The following PHKA1 variants were observed in gnomAD, a reference collection of about 807,000 sequenced individuals.
PHKA1 encodes the protein phosphorylase kinase regulatory subunit alpha 1.
A neutral mutation model predicts 110.2 loss-of-function variants in PHKA1; 60 were observed. The ratio of observed to expected loss-of-function variants is 0.54; its 90% CI spans 0.44 to 0.68. The LOEUF is 0.68. Ranked by LOEUF, PHKA1 falls within the 30% of genes least tolerant of loss-of-function variation. PHKA1 has a pLI of 0.00. For missense variants in PHKA1, 801 were observed against 942.5 expected, an observed-to-expected ratio of 0.85 and a Z score of 1.97; for synonymous variants, 316 against 333.6, an observed-to-expected ratio of 0.95 and a Z score of 0.58.
At chrX:72,610,885 A>G (rs1214166915) in intron 22 of PHKA1, 143 bp downstream of exon 22, 2 of 467,216 alleles carry the variant, frequency 4.3e-6, no homozygotes, top group Non-Finnish European at 7.5e-6. Context: ...TTCACAAACT[A>G]AAAGAACTGA....
intron 5 of PHKA1, among the ~76,000 whole-genome samples, chrX:72,679,550 T>C (rs2053818667): frequency 9.0e-6 from 1 of 111,021 alleles, no homozygotes; most frequent in Non-Finnish European, 1.9e-5. Context: ...GCATGTATTA[T>C]AACTATATTC....
intron 29 of PHKA1, among the ~76,000 whole-genome samples, chrX:72,590,240 G>A (rs1169416010): frequency 9.0e-6 from 1 of 111,217 alleles, no homozygotes; most frequent in African/African-American, 3.3e-5. Flanking sequence ...TAGACCAATG[G>A]GACAGAAGAG....
intron 28 of PHKA1, among the ~76,000 whole-genome samples, chrX:72,594,542 T>A (rs2052564670): frequency 8.9e-6 from 1 of 112,550 alleles, no homozygotes; most frequent in African/African-American, 3.2e-5. Context: ...GACAAATTCC[T>A]AGAAAGACAC....
intron 17 of PHKA1, among the ~76,000 whole-genome samples, chrX:72,624,039 A>C (rs2053018163): frequency 8.9e-6 from 1 of 111,772 alleles, no homozygotes; most frequent in South Asian, 3.8e-4. Flanking sequence ...AATTCACGCA[A>C]GGATCAACGG....
chrX:72,609,202 T>C (rs2052771712), intron 23 of PHKA1, among the ~76,000 whole-genome samples: 1 of 111,878 alleles, frequency 8.9e-6, no homozygotes, highest in African/African-American at 3.3e-5. Context: ...GGAGGGGTGC[T>C]ACCTCACATT....
chrX:72,671,177 C>T (rs62613007), intron 6 of PHKA1, among the ~76,000 whole-genome samples: 3 of 111,187 alleles, frequency 2.7e-5, no homozygotes, highest in South Asian at 3.8e-4. Flanking sequence ...GATTGTATAT[C>T]TAGAAAACCC....
chrX:72,685,940 C>T (rs1444556295), intron 4 of PHKA1, among the ~76,000 whole-genome samples: 5 of 111,546 alleles, frequency 4.5e-5, no homozygotes, highest in African/African-American at 1.6e-4. Flanking sequence ...CATGTGCCAG[C>T]TATGTAGTTG....
At chrX:72,675,954 G>A (rs1351267728) in intron 6 of PHKA1, 116 bp downstream of exon 6, 60 of 568,667 alleles carry the variant, frequency 1.1e-4, no homozygotes, top group Middle Eastern at 4.2e-4. Flanking sequence ...GTTGCCTGTG[G>A]TTTAAAATAA....
intron 13 of PHKA1, 40 bp from the exon 14 acceptor site, chrX:72,644,536 A>G (rs782745349): frequency 8.9e-7 from 1 of 1,125,011 alleles, no homozygotes; most frequent in Admixed American, 2.2e-5. Context: ...AGAAAATTTT[A>G]TTTCAATAGC....
intron 21 of PHKA1, among the ~76,000 whole-genome samples, chrX:72,613,378 TACAC>T (rs60746566): frequency 4.7e-4 from 46 of 97,790 alleles, no homozygotes; most frequent in African/African-American, 1.0e-3. Flanking sequence ...CATGGGAGGA[TACAC>T]ACACACACAC....
chrX:72,694,057 C>T (rs1466256167), intron 4 of PHKA1, among the ~76,000 whole-genome samples: 1 of 111,950 alleles, frequency 8.9e-6, no homozygotes, highest in African/African-American at 3.2e-5. Flanking sequence ...TGGAGCCCCT[C>T]CTGCCCCCAT....
At chrX:72,628,595 TA>T (rs782653169) in intron 16 of PHKA1, among the ~76,000 whole-genome samples, 5 of 85,671 alleles carry the variant, frequency 5.8e-5, no homozygotes, top group African/African-American at 2.7e-4. Context: ...TATATATATA[TA>T]TTTTTTTTTT....
intron 5 of PHKA1, among the ~76,000 whole-genome samples, chrX:72,679,796 G>A (rs781883894): frequency 2.7e-5 from 3 of 110,367 alleles, no homozygotes; most frequent in Non-Finnish European, 3.8e-5. Context: ...GTGAGCTGTG[G>A]GACAACATCA....
chrX:72,631,333 G>T lies in PHKA1; in HGVS notation c.1714+3822C>A, dbSNP rs145770734. On this transcript the variant is annotated intron_variant, in intron 16 of 31. Transcript: ENST00000373542. The stretch of plus-strand genomic sequence containing the variant: ...ATCACTGACACCACACTGGCTGAAG[G>T]GGGAGGAGCTCCTCTACTTTTGGGC... Among the ~76,000 whole-genome samples the T allele has an allele frequency of 9.6e-4, 107 of 111,383 alleles. 1 individual carries two copies. The East Asian group carries it at 0.021, about 21-fold the overall frequency.
chrX:72,611,147 T>A lies in PHKA1; in HGVS notation c.2407A>T (p.Ser803Cys), dbSNP rs1217197317. ...GTAAGAAGCTCTCTCACTGTAGCACTCCGTTCATTATACAATTCAGTGTTC... is the reference window on the plus strand; with the variant it reads ...GTAAGAAGCTCTCTCACTGTAGCACACCGTTCATTATACAATTCAGTGTTC... ...DWNTELYNER[S>C]ATVRELLTEL... The change falls in exon 22 of 32, where the codon AGT becomes TGT. Residue 803 changes from serine to cysteine, a missense_variant. Physicochemically the swap from Ser to Cys is moderately radical, Grantham distance 112. Transcript: ENST00000373542. 8.3e-7 allele frequency: 1 copy of A among 1,206,978 alleles called. No individual in the cohort carries two copies. Among genetic ancestry groups the A allele is most frequent in the East Asian group, 3.0e-5 (1 of 33,808 alleles).
Position 72,635,156 on chromosome X carries a change from A to G in PHKA1, c.1713T>C (p.Leu571=). 2 of 1,211,414 alleles carry G rather than the reference A, an allele frequency of 1.7e-6. No homozygotes were observed. The highest frequency in any genetic ancestry group is 1.1e-6 in the Non-Finnish European group (1 of 895,299). ...TTCCTTGCCTCATGCAGCCCTTACCAAGCATGCTGTGTGAGATGGGGAAGG... is the reference window on the plus strand; with the variant it reads ...TTCCTTGCCTCATGCAGCCCTTACCGAGCATGCTGTGTGAGATGGGGAAGG... The part of the protein sequence containing the change: ...TITFPISHSM[L]DEDGTSLNSS... Residue 571 remains leucine (L), a splice_region_variant and synonymous_variant, in exon 16 of 32, where the codon CTT becomes CTC. Transcript: ENST00000373542.
chrX:72,651,667 TAAAC>T (rs781944276), intron 12 of PHKA1, among the ~76,000 whole-genome samples: 17 of 112,271 alleles, frequency 1.5e-4, no homozygotes, highest in Non-Finnish European at 2.6e-4. Context: ...AAGGATTACT[TAAAC>T]AAACCATTCT....
intron 30 of PHKA1, among the ~76,000 whole-genome samples, chrX:72,583,388 G>A (rs1469047861): frequency 8.9e-6 from 1 of 111,736 alleles, no homozygotes; most frequent in Admixed American, 9.5e-5. Flanking sequence ...ACTCTTAAAG[G>A]TACTATTCAG....
At chrX:72,635,326 G>A in intron 15 of PHKA1, 27 bp from the exon 16 acceptor site, 1 of 1,161,782 alleles carries the variant, frequency 8.6e-7, no homozygotes, top group Non-Finnish European at 1.2e-6. Flanking sequence ...TAATAGATTA[G>A]ATTAATTTAC....
Sources: gnomAD v4.1 joint callset for allele counts (sites outside exome capture counted in the v4.1 genomes callset) on GRCh38, gnomAD v4.1.1 for gene constraint, MANE v1.5 for transcripts, NCBI Gene and HGNC (gene_info 2026-07-23, HGNC 2026-07-21) for gene names.